CMSS1: variants seen among roughly 807,000 people sequenced by gnomAD.
CMSS1 encodes cms1 ribosomal small subunit homolog.
CMSS1 carries 33 observed loss-of-function variants against 43.5 expected under a neutral mutation model. That is an observed-to-expected ratio of 0.76 (90% CI 0.57 to 1.01). CMSS1 has a LOEUF of 1.01. Among genes scored for constraint, CMSS1 ranks in the 50% least tolerant of loss-of-function variants. CMSS1 has a pLI of 0.00. For missense variants in CMSS1, 313 were observed against 326.4 expected, an observed-to-expected ratio of 0.96 and a Z score of 0.32; for synonymous variants, 115 against 117.2, an observed-to-expected ratio of 0.98 and a Z score of 0.12.
At chr3:99,946,843 T>C (rs187239360) in intron 1 of CMSS1, among the ~76,000 whole-genome samples, 1 of 152,266 alleles carries the variant, frequency 6.6e-6, no homozygotes, top group Admixed American at 6.5e-5. Context: ...AAGTACCAAA[T>C]TGCCAATAGG....
chr3:99,848,193 TG>T, intron 1 of CMSS1: 1 of 1,559,264 alleles, frequency 6.4e-7, no homozygotes, highest in Non-Finnish European at 8.7e-7. Context: ...CAGTCAGTCT[TG>T]GGGGATATGG....
At chr3:100,009,499 G>A (rs1285153112) in intron 1 of CMSS1, among the ~76,000 whole-genome samples, 1 of 150,284 alleles carries the variant, frequency 6.7e-6, no homozygotes, top group African/African-American at 2.4e-5. Context: ...AGGCAAGCAC[G>A]GTATAGGGGA....
At chr3:100,093,841 T>C (rs2066156603) in intron 1 of CMSS1, among the ~76,000 whole-genome samples, 1 of 152,214 alleles carries the variant, frequency 6.6e-6, no homozygotes, top group African/African-American at 2.4e-5. Context: ...ACTTATCACA[T>C]AGCACAATTT....
intron 1 of CMSS1, among the ~76,000 whole-genome samples, chr3:99,909,525 A>G (rs1056139388): frequency 3.9e-5 from 6 of 152,218 alleles, no homozygotes; most frequent in Non-Finnish European, 5.9e-5. Context: ...CTGCAGACAT[A>G]ATCATTCATG....
chr3:99,981,934 T>G (rs1394486940), intron 1 of CMSS1, among the ~76,000 whole-genome samples: 5 of 152,192 alleles, frequency 3.3e-5, no homozygotes, highest in Non-Finnish European at 7.3e-5. Flanking sequence ...ACGACCAGCC[T>G]GGATAACATA....
intron 1 of CMSS1, among the ~76,000 whole-genome samples, chr3:100,016,188 T>TTTTG (rs760003779): frequency 1.0e-3 from 158 of 152,190 alleles, no homozygotes; most frequent in Non-Finnish European, 9.1e-4. Flanking sequence ...TTGGGTCAGC[T>TTTTG]TTTGTTTGTT....
chr3:99,903,128 T>C (rs75372883), intron 1 of CMSS1, among the ~76,000 whole-genome samples: 5,621 of 152,234 alleles, frequency 0.037, 331 homozygotes, highest in African/African-American at 0.13. Flanking sequence ...AAATGCTGCT[T>C]ATAATAGTAA....
chr3:99,848,581 A>C (rs765926299), intron 1 of CMSS1: 2 of 1,614,168 alleles, frequency 1.2e-6, no homozygotes, highest in South Asian at 1.1e-5. Flanking sequence ...GGAGACTCTG[A>C]ATATCGCATG....
chr3:99,835,282 G>A (rs114801116), intron 1 of CMSS1, among the ~76,000 whole-genome samples: 12 of 152,238 alleles, frequency 7.9e-5, no homozygotes, highest in Non-Finnish European at 1.3e-4. Flanking sequence ...ACTTTGTCTG[G>A]TCCTTGTGAA....
In CMSS1 at chr3:100,141,087, A is replaced by T. The variant is rs114266233; in HGVS notation, c.65-5886A>T. Among the ~76,000 whole-genome samples, 829 of 152,238 alleles carry T rather than the reference A, an allele frequency of 5.4e-3. 8 individuals carry two copies. Among genetic ancestry groups the T allele is most frequent in the Non-Finnish European group, 8.0e-3 (545 of 68,016 alleles). On this transcript the variant is annotated intron_variant, in intron 1 of 9. Transcript: ENST00000421999. The stretch of plus-strand genomic sequence containing the variant: ...GAAGAATCTTCCACTGACTAGTTTG[A>T]GGTTTCCTACATTCCAAACCTGGTT...
chr3:100,010,556 A>G (rs1421307054), intron 1 of CMSS1, among the ~76,000 whole-genome samples: 1 of 151,862 alleles, frequency 6.6e-6, no homozygotes, highest in East Asian at 1.9e-4. Flanking sequence ...GCATTCCTCA[A>G]CATGTTTCTA....
At chr3:99,862,947 C>G (rs1012082721) in intron 1 of CMSS1, among the ~76,000 whole-genome samples, 19 of 152,160 alleles carry the variant, frequency 1.2e-4, no homozygotes, top group Admixed American at 9.8e-4. Flanking sequence ...CTTCCCAAAG[C>G]CTCACTGATG....
intron 1 of CMSS1, among the ~76,000 whole-genome samples, chr3:99,923,512 C>T (rs1367624417): frequency 6.6e-6 from 1 of 152,136 alleles, no homozygotes; most frequent in Non-Finnish European, 1.5e-5. Context: ...GCTCTTCTTT[C>T]CAGTCTAACC....
At chr3:99,970,357 G>A (rs114093938) in intron 1 of CMSS1, among the ~76,000 whole-genome samples, 219 of 152,346 alleles carry the variant, frequency 1.4e-3, no homozygotes, top group African/African-American at 4.9e-3. Context: ...GGTGTGTGAG[G>A]TGGATGAGAC....
chr3:100,031,352 T>G (rs1199405349), intron 1 of CMSS1, among the ~76,000 whole-genome samples: 1 of 152,116 alleles, frequency 6.6e-6, no homozygotes, highest in Non-Finnish European at 1.5e-5. Flanking sequence ...ATAGAAATGT[T>G]TCCAAAGTTC....
At chr3:99,930,657 A>G (rs540849560) in intron 1 of CMSS1, 37 of 1,151,900 alleles carry the variant, frequency 3.2e-5, no homozygotes, top group South Asian at 2.2e-4. Flanking sequence ...CTTTGCTTTC[A>G]TGTACACACA....
intron 1 of CMSS1, among the ~76,000 whole-genome samples, chr3:100,033,299 C>T (rs1438508854): frequency 6.6e-6 from 1 of 152,108 alleles, no homozygotes; most frequent in East Asian, 1.9e-4. Context: ...TCTGAACTTG[C>T]CCTCAAAGAA....
intron 1 of CMSS1, among the ~76,000 whole-genome samples, chr3:100,089,602 C>T (rs559850189): frequency 1.3e-5 from 2 of 152,292 alleles, no homozygotes; most frequent in South Asian, 4.1e-4. Context: ...TAGAACTAAG[C>T]ATTTCCCATT....
intron 1 of CMSS1, among the ~76,000 whole-genome samples, chr3:100,071,899 G>C (rs979749847): frequency 3.3e-5 from 5 of 152,132 alleles, no homozygotes; most frequent in African/African-American, 1.2e-4. Context: ...TGTCTTCAGG[G>C]GGACTTTGCC....
Sources: allele counts gnomAD v4.1 joint callset (sites outside exome capture counted in the v4.1 genomes callset), GRCh38; gene constraint gnomAD v4.1.1; transcripts MANE v1.5; gene names NCBI Gene and HGNC (gene_info 2026-07-23, HGNC 2026-07-21).